The following DPYD variants were observed in gnomAD, a reference collection of about 807,000 sequenced individuals.
The protein encoded by DPYD is dihydropyrimidine dehydrogenase.
Under a neutral mutation model 116.2 loss-of-function variants are expected in DPYD, and 109 were observed. The observed-to-expected ratio is 0.94, with a 90% CI of 0.80 to 1.10. DPYD has a LOEUF of 1.10. DPYD is among the 50% of genes least tolerant of loss of function. The probability of loss-of-function intolerance (pLI) is 0.00; values close to 1 mark genes in which losing one functional copy is unlikely to be tolerated. For missense variants in DPYD, 1,302 were observed against 1,254.5 expected (o/e 1.04, Z -0.57); for synonymous variants, 440 against 432.0 (o/e 1.02, Z -0.23).
intron 10 of DPYD, among the ~76,000 whole-genome samples, chr1:97,592,523 C>T (rs553760901): frequency 2.6e-5 from 4 of 152,214 alleles, no homozygotes; most frequent in Non-Finnish European, 4.4e-5. Flanking sequence ...CCCACCACCA[C>T]GCCCGGCTAA....
At chr1:97,091,954 A>G (rs899706791) in intron 21 of DPYD, among the ~76,000 whole-genome samples, 2 of 152,120 alleles carry the variant, frequency 1.3e-5, no homozygotes, top group Admixed American at 1.3e-4. Context: ...GGACTTTGCT[A>G]TTTCAGGGTC....
chr1:97,396,339 AT>A (rs71311935), intron 14 of DPYD, among the ~76,000 whole-genome samples: 3 of 151,816 alleles, frequency 2.0e-5, no homozygotes, highest in Admixed American at 6.6e-5. Context: ...ACTTTGAATG[AT>A]TTTTTTGTGC....
chr1:97,594,404 T>C (rs1315787991), intron 9 of DPYD, among the ~76,000 whole-genome samples: 1 of 152,190 alleles, frequency 6.6e-6, no homozygotes, highest in Non-Finnish European at 1.5e-5. Flanking sequence ...GAAAGTTTCT[T>C]ACTGTTTTAA....
chr1:97,489,099 T>C (rs1165573098), intron 13 of DPYD, among the ~76,000 whole-genome samples: 2 of 152,230 alleles, frequency 1.3e-5, no homozygotes, highest in Non-Finnish European at 2.9e-5. Context: ...ACTATTTGAG[T>C]ACAAAAAATG....
chr1:97,124,788 T>A (rs1308734556), intron 20 of DPYD, among the ~76,000 whole-genome samples: 1 of 152,182 alleles, frequency 6.6e-6, no homozygotes, highest in Admixed American at 6.6e-5. Flanking sequence ...TTATCTGATC[T>A]CCTCATAGTG....
At chr1:97,444,571 C>A (rs1034737418) in intron 14 of DPYD, among the ~76,000 whole-genome samples, 1 of 151,948 alleles carries the variant, frequency 6.6e-6, no homozygotes, top group Non-Finnish European at 1.5e-5. Context: ...ATGAACTTTA[C>A]AAAAAATACA....
chr1:97,540,954 A>G (rs1368283235), intron 12 of DPYD, among the ~76,000 whole-genome samples: 1 of 152,186 alleles, frequency 6.6e-6, no homozygotes, highest in Non-Finnish European at 1.5e-5. Context: ...GTTTTTATAA[A>G]TTAGTAACAT....
At position 97,514,183 on chromosome 1, in the gene DPYD, T is replaced by C. The variant is rs114194872; in HGVS notation, c.1740+1543A>G. The C allele has an allele frequency of 5.5e-3, 5,415 of 984,624 alleles. 11 individuals are homozygous for C. Among genetic ancestry groups the C allele is most frequent in the Non-Finnish European group, 6.2e-3 (5,141 of 829,348 alleles). 61.0% of individuals were successfully genotyped at this position (984,624 alleles called of 1,614,324 possible). A position where few individuals can be genotyped will look rare whatever the true frequency, so the allele number is the denominator to read the frequency against. On this transcript the variant is annotated intron_variant, in intron 13 of 22. Coordinates refer to ENST00000370192, the MANE Select transcript of DPYD (RefSeq NM_000110.4). ...AGAAGGAAGTTAGCTTCCACATTTA[T>C]TTCTGCTGGTGATCCTAATAAAGGC...
intron 2 of DPYD, among the ~76,000 whole-genome samples, chr1:97,860,043 T>C (rs546814293): frequency 2.6e-5 from 4 of 152,040 alleles, no homozygotes; most frequent in Non-Finnish European, 5.9e-5. Context: ...GTATGGGAGA[T>C]AAAAATTCTA....
intron 8 of DPYD, among the ~76,000 whole-genome samples, chr1:97,608,376 G>A (rs1291901278): frequency 1.3e-5 from 2 of 151,946 alleles, no homozygotes; most frequent in Non-Finnish European, 2.9e-5. Context: ...CAATGGAGGT[G>A]TTGTTTTTCT....
intron 20 of DPYD, among the ~76,000 whole-genome samples, chr1:97,117,666 AT>A (rs1652084322): frequency 2.6e-5 from 4 of 152,152 alleles, no homozygotes; most frequent in Admixed American, 2.6e-4. Flanking sequence ...ATGGTCTATA[AT>A]TTTGGTCTAC....
intron 15 of DPYD, among the ~76,000 whole-genome samples, chr1:97,381,480 T>C (rs538141978): frequency 6.6e-6 from 1 of 152,130 alleles, no homozygotes; most frequent in African/African-American, 2.4e-5. Context: ...ATTAGGTAAA[T>C]ACATGTATCA....
intron 11 of DPYD, among the ~76,000 whole-genome samples, chr1:97,561,812 C>A (rs987627402): frequency 2.0e-5 from 3 of 152,198 alleles, no homozygotes; most frequent in Non-Finnish European, 2.9e-5. Flanking sequence ...CTGGAATGGG[C>A]TTTCAATCCC....
At chr1:97,149,335 T>C (rs1217066949) in intron 20 of DPYD, among the ~76,000 whole-genome samples, 1 of 152,198 alleles carries the variant, frequency 6.6e-6, no homozygotes, top group Non-Finnish European at 1.5e-5. Flanking sequence ...CACTGCAAAC[T>C]CTGCCTCCTG....
At chr1:97,265,688 T>C (rs946180749) in intron 18 of DPYD, among the ~76,000 whole-genome samples, 4 of 152,226 alleles carry the variant, frequency 2.6e-5, no homozygotes, top group Admixed American at 6.5e-5. Context: ...GTGTATAGTT[T>C]TTATATCACT....
chr1:97,269,351 C>T (rs979113706), intron 18 of DPYD, among the ~76,000 whole-genome samples: 1 of 152,126 alleles, frequency 6.6e-6, no homozygotes, highest in Non-Finnish European at 1.5e-5. Flanking sequence ...CCAGAATTGT[C>T]CTGAAAGCTC....
chr1:97,616,516 A>G (rs532319231), intron 8 of DPYD, among the ~76,000 whole-genome samples: 3 of 152,298 alleles, frequency 2.0e-5, no homozygotes, highest in East Asian at 1.9e-4. Flanking sequence ...ATACTTACCT[A>G]TTGTTCACTT....
chr1:97,640,891 T>C (rs1460477908), intron 8 of DPYD, among the ~76,000 whole-genome samples: 2 of 152,196 alleles, frequency 1.3e-5, no homozygotes, highest in Non-Finnish European at 2.9e-5. Context: ...GCCCTGTTGC[T>C]TGAGGCACCA....
intron 20 of DPYD, among the ~76,000 whole-genome samples, chr1:97,165,738 A>G (rs1656274200): frequency 6.6e-6 from 1 of 152,120 alleles, no homozygotes; most frequent in African/African-American, 2.4e-5. Context: ...AGAAGTAACA[A>G]CCCCTTAATA....
Sources: allele counts gnomAD v4.1 joint callset (sites outside exome capture counted in the v4.1 genomes callset), GRCh38; gene constraint gnomAD v4.1.1; transcripts MANE v1.5; gene names NCBI Gene and HGNC (gene_info 2026-07-23, HGNC 2026-07-21).